TLDC2: variants seen among roughly 807,000 people sequenced by gnomAD.
TLDC2 encodes TBC/LysM-associated domain containing 2, also known as TLD domain-containing protein 2.
In TLDC2, 23 loss-of-function variants were observed where a neutral mutation model predicts 27.9. The observed-to-expected ratio is 0.82, with a 90% confidence interval of 0.59 to 1.17. The LOEUF is 1.17. TLDC2 is among the 50% of genes most tolerant of loss of function. TLDC2 has a pLI of 0.00. For synonymous variants in TLDC2, 124 were observed against 107.4 expected (o/e 1.16, Z -0.96); for missense variants, 286 against 273.4 (o/e 1.05, Z -0.32).
chr20:36,892,322 A>C (rs1212579119), intron 6 of TLDC2: 1 of 162,650 alleles, frequency 6.1e-6, no homozygotes, highest in East Asian at 1.8e-4. Flanking sequence ...ACTTATGCTT[A>C]GGTCACTCTT....
Position 36,894,036 on chromosome 20 carries a change from GC to G in TLDC2, c.*1196del, listed in dbSNP as rs1316030207. On this transcript the variant is annotated 3_prime_UTR_variant, in exon 7 of 7. Coordinates refer to ENST00000217320, the MANE Select transcript of TLDC2 (RefSeq NM_080628.3). ...TCTGTGGTTCTAGCTTTTGCAGGTG[GC>G]CCCAGCTCCTGGACTCCCACCTGCT... The G allele has an allele frequency of 7.6e-6, 3 of 397,298 alleles. No individual in the cohort carries two copies. Among genetic ancestry groups the G allele is most frequent in the Non-Finnish European group, 8.9e-6 (2 of 225,486 alleles). 24.6% of individuals were successfully genotyped at this position (397,298 alleles called of 1,614,324 possible).
At chr20:36,888,241 G>GT (rs902670368) in intron 5 of TLDC2, among the ~76,000 whole-genome samples, 141 of 151,542 alleles carry the variant, frequency 9.3e-4, no homozygotes, top group African/African-American at 3.1e-3. Context: ...TTGCCATTTT[G>GT]TTTTTTTTGA....
chr20:36,888,629 C>T (rs1481678421), intron 5 of TLDC2, among the ~76,000 whole-genome samples: 1 of 142,094 alleles, frequency 7.0e-6, no homozygotes, highest in Non-Finnish European at 1.5e-5. Flanking sequence ...TGGTGTGAAC[C>T]CGGGAGGTGG....
intron 1 of TLDC2, 93 bp downstream of exon 1, chr20:36,876,300 G>T (rs1989666225): frequency 6.5e-7 from 1 of 1,543,776 alleles, no homozygotes. Flanking sequence ...GTTGGATGCG[G>T]GCAGTGACTT....
chr20:36,889,577 G>A (rs778828997), intron 6 of TLDC2, 174 bp downstream of exon 6: 20 of 675,046 alleles, frequency 3.0e-5, no homozygotes, highest in Non-Finnish European at 4.7e-5. Context: ...TTGCAGAGGT[G>A]ACTTTGAAGG....
intron 4 of TLDC2, among the ~76,000 whole-genome samples, chr20:36,885,538 A>G (rs1989904162): frequency 6.6e-6 from 1 of 152,202 alleles, no homozygotes; most frequent in Non-Finnish European, 1.5e-5. Flanking sequence ...CCTTCAGGTC[A>G]AAGGTCATGT....
chr20:36,888,286 C>T (rs1989970087), intron 5 of TLDC2, among the ~76,000 whole-genome samples: 1 of 151,696 alleles, frequency 6.6e-6, no homozygotes, highest in South Asian at 2.1e-4. Context: ...GGCTGGAGTG[C>T]AGTGGTGTGA....
chr20:36,890,563 C>G (rs1990049823), intron 6 of TLDC2: 1 of 152,078 alleles, frequency 6.6e-6, no homozygotes, highest in African/African-American at 2.4e-5. Flanking sequence ...CTCCCGGATT[C>G]AAGCGATTCT....
intron 6 of TLDC2, chr20:36,890,470 T>G (rs1006705590): frequency 1.5e-4 from 23 of 149,162 alleles, no homozygotes; most frequent in African/African-American, 4.9e-4. Flanking sequence ...CTTCCTTTCT[T>G]TCTTTTTGTT....
At chr20:36,888,134 G>C (rs564656911) in intron 5 of TLDC2, among the ~76,000 whole-genome samples, 5 of 152,184 alleles carry the variant, frequency 3.3e-5, no homozygotes, top group Admixed American at 2.0e-4. Context: ...GGTTTCAGCC[G>C]AGGTTTTCTG....
At chr20:36,887,427 C>A (rs1362029038) in intron 4 of TLDC2, 28 bp from the exon 5 acceptor site, 6 of 1,601,018 alleles carry the variant, frequency 3.7e-6, no homozygotes, top group Middle Eastern at 1.7e-4. Flanking sequence ...CGCTTAGTAA[C>A]CTGAGCCTTT....
chr20:36,876,751 A>G (rs1440438076), intron 1 of TLDC2, among the ~76,000 whole-genome samples: 1 of 152,146 alleles, frequency 6.6e-6, no homozygotes, highest in Non-Finnish European at 1.5e-5. Flanking sequence ...ACAGACACAC[A>G]CACATTCAAA....
At chr20:36,876,716 T>G (rs903584026) in intron 1 of TLDC2, among the ~76,000 whole-genome samples, 14 of 151,400 alleles carry the variant, frequency 9.2e-5, no homozygotes, top group Non-Finnish European at 2.9e-5. Flanking sequence ...CACACTCAAA[T>G]GCACTCACAC....
At chr20:36,876,632 CAT>C (rs900542622) in intron 1 of TLDC2, among the ~76,000 whole-genome samples, 2 of 152,114 alleles carry the variant, frequency 1.3e-5, no homozygotes, top group African/African-American at 4.8e-5. Context: ...ATACATATAA[CAT>C]ATACACACTC....
chr20:36,892,427 A>T lies in TLDC2; in HGVS notation c.*18-435A>T, dbSNP rs747128919. ...AGCCATGTTTGTCAATGACAATGTCAATTTCTAGTTCCAATTTGTACCCTT... is the reference window on the plus strand; with the variant it reads ...AGCCATGTTTGTCAATGACAATGTCTATTTCTAGTTCCAATTTGTACCCTT... On this transcript the variant is annotated intron_variant, in intron 6 of 6. Coordinates refer to ENST00000217320, the MANE Select transcript of TLDC2 (RefSeq NM_080628.3). 1.4e-3 allele frequency: 259 copies of T among 191,538 alleles called. No individual in the cohort carries two copies. The highest frequency in any genetic ancestry group is 2.5e-3 in the Non-Finnish European group (229 of 92,016). 11.9% of individuals were successfully genotyped at this position (191,538 alleles called of 1,614,324 possible).
chr20:36,879,685 A>C (rs1036024653), intron 3 of TLDC2, among the ~76,000 whole-genome samples: 24 of 152,054 alleles, frequency 1.6e-4, no homozygotes, highest in African/African-American at 5.8e-4. Context: ...AAAACCCAAA[A>C]CCAAAACCAA....
chr20:36,882,399 C>T (rs1601097935), intron 4 of TLDC2, among the ~76,000 whole-genome samples: 1 of 152,134 alleles, frequency 6.6e-6, no homozygotes, highest in Non-Finnish European at 1.5e-5. Context: ...AAAACAAAAA[C>T]AAAACACGGC....
Position 36,893,759 on chromosome 20 carries a change from G to A in TLDC2, c.*915G>A, listed in dbSNP as rs1990138125. On this transcript the variant is annotated 3_prime_UTR_variant, in exon 7 of 7. Transcript: ENST00000217320. The stretch of plus-strand genomic sequence containing the variant: ...GCCTCTGTTGTACCAGGAATACAAT[G>A]CTGGTGGGAGGATTCGTGCTCCTCA... 7.6e-6 allele frequency: 3 copies of A among 396,196 alleles called. No homozygotes were observed. The highest frequency in any genetic ancestry group is 1.3e-5 in the Non-Finnish European group (3 of 225,120). 24.5% of individuals were successfully genotyped at this position (396,196 alleles called of 1,614,324 possible). A position where few individuals can be genotyped will look rare whatever the true frequency, so the allele number is the denominator to read the frequency against.
Position 36,892,685 on chromosome 20 carries a change from T to C in TLDC2, c.*18-177T>C, listed in dbSNP as rs1360736887. The C allele has an allele frequency of 7.2e-6, 4 of 555,108 alleles. No individual in the cohort carries two copies. In the Admixed American group the frequency reaches 9.2e-5, roughly 13 times the overall value. 34.4% of individuals were successfully genotyped at this position (555,108 alleles called of 1,614,324 possible). A position where few individuals can be genotyped will look rare whatever the true frequency, so the allele number is the denominator to read the frequency against. On this transcript the variant is annotated intron_variant, in intron 6 of 6. Coordinates refer to ENST00000217320, the MANE Select transcript of TLDC2 (RefSeq NM_080628.3). ...TAAAAGAGTTGTTATTCTAAGAAAA[T>C]AGACTACTGAAGGAGAAAGGCTTTA...
Sources: allele counts gnomAD v4.1 joint callset (sites outside exome capture counted in the v4.1 genomes callset), GRCh38; gene constraint gnomAD v4.1.1; transcripts MANE v1.5; gene names NCBI Gene and HGNC (gene_info 2026-07-23, HGNC 2026-07-21).